Variants in AHCYL2 observed in about 807,000 individuals in gnomAD.
AHCYL2 encodes adenosylhomocysteinase like 2, also known as S-adenosylhomocysteine hydrolase-like protein 2.
Under a neutral mutation model 81.4 loss-of-function variants are expected in AHCYL2, and 28 were observed. That is an observed-to-expected ratio of 0.34 (90% CI 0.25 to 0.47). AHCYL2 has a LOEUF of 0.47. AHCYL2 is among the 20% of genes least tolerant of loss of function. The pLI, the probability that AHCYL2 is intolerant of heterozygous loss-of-function variation, is 1.00. For missense variants in AHCYL2, 551 were observed against 785.1 expected (o/e 0.70, Z 3.56); for synonymous variants, 272 against 290.2 (o/e 0.94, Z 0.64).
In AHCYL2 at chr7:129,393,939, C is replaced by T. The variant is rs939271009; in HGVS notation, c.721-3283C>T. The stretch of plus-strand genomic sequence containing the variant: ...CCATAGACCCCATAGATTTTGAGCA[C>T]TCCGTTGTGATTTTTTTCTGCCAGT... On this transcript the variant is annotated intron_variant, in intron 4 of 16. Coordinates refer to ENST00000325006, the MANE Select transcript of AHCYL2 (RefSeq NM_015328.4). Among the ~76,000 whole-genome samples, 10 of 152,162 alleles carry T rather than the reference C, an allele frequency of 6.6e-5. 1 individual carries two copies. Among genetic ancestry groups the T allele is most frequent in the Non-Finnish European group, 1.5e-5 (1 of 68,036 alleles).
intron 1 of AHCYL2, among the ~76,000 whole-genome samples, chr7:129,307,681 C>T (rs935726045): frequency 2.0e-5 from 3 of 151,802 alleles, no homozygotes; most frequent in African/African-American, 7.3e-5. Flanking sequence ...AGGATTCTCT[C>T]CTCATAGCCA....
intron 1 of AHCYL2, among the ~76,000 whole-genome samples, chr7:129,275,676 G>T (rs775950639): frequency 2.6e-5 from 4 of 152,058 alleles, no homozygotes; most frequent in African/African-American, 4.8e-5. Flanking sequence ...TTCCAAATCA[G>T]TATGCATCTT....
chr7:129,285,660 C>G (rs998201127), intron 1 of AHCYL2, among the ~76,000 whole-genome samples: 107 of 149,264 alleles, frequency 7.2e-4, no homozygotes, highest in African/African-American at 2.5e-3. Context: ...TTTTAGAGTT[C>G]TGAGCAGTAA....
rs1025192820 is a variant in AHCYL2, at chr7:129,250,065, G to A, written c.363+24626G>A. Among the ~76,000 whole-genome samples the A allele has an allele frequency of 3.3e-5, 5 of 152,276 alleles. No homozygotes were observed. The East Asian group carries it at 7.7e-4, about 24-fold the overall frequency. ...CCACACCACTCCCAACTTCTGGGAG[G>A]CCAGTGTGGGAGTATTGCTTGAGGC... On this transcript the variant is annotated intron_variant, in intron 1 of 16. Transcript: ENST00000325006.
At chr7:129,354,753 A>C (rs1485120124) in intron 1 of AHCYL2, among the ~76,000 whole-genome samples, 6 of 152,242 alleles carry the variant, frequency 3.9e-5, no homozygotes, top group Admixed American at 2.0e-4. Context: ...TTTTGACTAC[A>C]GCATCTTTAC....
chr7:129,236,442 C>T (rs1794647069), intron 1 of AHCYL2, among the ~76,000 whole-genome samples: 1 of 151,962 alleles, frequency 6.6e-6, no homozygotes, highest in South Asian at 2.1e-4. Flanking sequence ...CTCAGGTGAT[C>T]CGCCTGCCTC....
chr7:129,332,970 C>T (rs1218585954), intron 1 of AHCYL2, among the ~76,000 whole-genome samples: 1 of 152,076 alleles, frequency 6.6e-6, no homozygotes, highest in Admixed American at 6.6e-5. Flanking sequence ...AGTCATTCTT[C>T]CCAGCAGCTG....
chr7:129,293,015 G>C (rs978411378), intron 1 of AHCYL2, among the ~76,000 whole-genome samples: 1 of 152,056 alleles, frequency 6.6e-6, no homozygotes, highest in Non-Finnish European at 1.5e-5. Context: ...GGGTCTCACT[G>C]TGTTGCCCAG....
At chr7:129,417,143 A>T (rs924107632) in intron 12 of AHCYL2, among the ~76,000 whole-genome samples, 145 of 152,246 alleles carry the variant, frequency 9.5e-4, no homozygotes, top group Middle Eastern at 3.4e-3. Flanking sequence ...AAAATTTTTT[A>T]AAAAAAGATG....
At chr7:129,358,029 A>G (rs1012445580) in intron 1 of AHCYL2, among the ~76,000 whole-genome samples, 1 of 152,168 alleles carries the variant, frequency 6.6e-6, no homozygotes, top group Non-Finnish European at 1.5e-5. Context: ...TGGAAACAAC[A>G]CAAATGCCTA....
intron 1 of AHCYL2, among the ~76,000 whole-genome samples, chr7:129,269,135 T>C (rs1795914709): frequency 6.7e-6 from 1 of 149,550 alleles, no homozygotes; most frequent in Non-Finnish European, 1.5e-5. Context: ...ATTCCTGTTT[T>C]TTTTTTTTTT....
intron 1 of AHCYL2, among the ~76,000 whole-genome samples, chr7:129,232,574 A>G (rs1456681056): frequency 6.6e-6 from 1 of 152,208 alleles, no homozygotes; most frequent in African/African-American, 2.4e-5. Context: ...GCCATCCATT[A>G]TCTTCCCAAT....
intron 11 of AHCYL2, 45 bp from the exon 12 acceptor site, chr7:129,413,549 A>T: frequency 1.4e-6 from 2 of 1,424,878 alleles, no homozygotes; most frequent in Non-Finnish European, 2.0e-6. Flanking sequence ...CATTCTGTGG[A>T]TTATCTTTCT....
chr7:129,426,943 C>A lies in AHCYL2; in HGVS notation c.1830-96C>A. 7.7e-7 allele frequency: 1 copy of A among 1,298,102 alleles called. No individual in the cohort carries two copies. The highest frequency in any genetic ancestry group is 1.3e-5 in the South Asian group (1 of 78,976). 80.4% of individuals were successfully genotyped at this position (1,298,102 alleles called of 1,614,324 possible). A position where few individuals can be genotyped will look rare whatever the true frequency, so the allele number is the denominator to read the frequency against. On this transcript the variant is annotated intron_variant, in intron 16 of 16. Transcript: ENST00000325006. This position sits in a 1 kb window ranked among gnomAD's most constrained non-coding sequence, Gnocchi z 4.3. The stretch of plus-strand genomic sequence containing the variant: ...CTGTCACTGTACACTCCAGAAAAGT[C>A]TCTGCCTCCCTGTTACACCTTTAGG...
intron 1 of AHCYL2, among the ~76,000 whole-genome samples, chr7:129,255,197 G>T (rs912935597): frequency 6.6e-6 from 1 of 152,078 alleles, no homozygotes; most frequent in Non-Finnish European, 1.5e-5. Context: ...GGAGGTGGAG[G>T]TTGCAGTGAG....
In AHCYL2 at chr7:129,368,018, TG is replaced by T; in HGVS notation, c.364-11617del. ...TCCAAATCAAGCAACTCTTGAGAAA[TG>T]GGAGTGCCTTCCTGACCTCAGTCTT... On this transcript the variant is annotated intron_variant, in intron 1 of 16. Transcript: ENST00000325006. This position sits in a 1 kb window ranked among gnomAD's most constrained non-coding sequence, Gnocchi z 4.4. The T allele has an allele frequency of 1.3e-6, 1 of 775,330 alleles. No individual in the cohort carries two copies. The highest frequency in any genetic ancestry group is 6.1e-5 in the Admixed American group (1 of 16,262). The allele number at this position is 775,330 out of a possible 1,614,324, so 48.0% of individuals were successfully genotyped here.
At chr7:129,345,907 T>C (rs1358695764) in intron 1 of AHCYL2, among the ~76,000 whole-genome samples, 1 of 152,116 alleles carries the variant, frequency 6.6e-6, no homozygotes, top group East Asian at 1.9e-4. Context: ...ATGAGTTCAG[T>C]TTTGGACAGG....
At position 129,368,617 on chromosome 7, in the gene AHCYL2, G is replaced by T; in HGVS notation, c.364-11021G>T. The T allele has an allele frequency of 1.3e-6, 2 of 1,578,824 alleles. No individual in the cohort carries two copies. The highest frequency in any genetic ancestry group is 1.7e-5 in the Admixed American group (1 of 59,912). On this transcript the variant is annotated intron_variant, in intron 1 of 16. Coordinates refer to ENST00000325006, the MANE Select transcript of AHCYL2 (RefSeq NM_015328.4). The surrounding 1 kb of genome is among the most constrained non-coding windows in gnomAD (Gnocchi z 4.4). ...ATAATGAGAGGCAACCATTTCTGAC[G>T]GGTGACAAGGATCACCTCTGAGAAG...
chr7:129,246,139 A>C (rs1488030788), intron 1 of AHCYL2, among the ~76,000 whole-genome samples: 1 of 151,752 alleles, frequency 6.6e-6, no homozygotes, highest in Non-Finnish European at 1.5e-5. Context: ...GCTCACTGCA[A>C]CCTCTGCCTC....
Sources: allele counts gnomAD v4.1 joint callset (sites outside exome capture counted in the v4.1 genomes callset), GRCh38; gene constraint gnomAD v4.1.1; non-coding constraint Gnocchi (gnomAD v3.1); transcripts MANE v1.5; gene names NCBI Gene and HGNC (gene_info 2026-07-23, HGNC 2026-07-21).